The following CEP170 variants were observed in gnomAD, a reference collection of about 807,000 sequenced individuals.
CEP170 encodes centrosomal protein of 170 kDa.
CEP170 carries 21 observed loss-of-function variants against 151.9 expected under a neutral mutation model. The observed-to-expected ratio is 0.14, with a 90% CI of 0.10 to 0.20. The LOEUF is 0.20. CEP170 is among the 10% of genes least tolerant of loss of function. CEP170 has a pLI of 1.00. For missense variants in CEP170, 964 were observed against 1,892.9 expected (o/e 0.51, Z 9.11); for synonymous variants, 356 against 648.8 (o/e 0.55, Z 6.86).
At chr1:243,160,133 T>A (rs1156780093) in intron 13 of CEP170, among the ~76,000 whole-genome samples, 1 of 152,204 alleles carries the variant, frequency 6.6e-6, no homozygotes, top group South Asian at 2.1e-4. Flanking sequence ...GTAATGATAG[T>A]TTTTCTGATA....
intron 4 of CEP170, among the ~76,000 whole-genome samples, chr1:243,207,899 A>G (rs938501248): frequency 5.3e-5 from 8 of 151,858 alleles, no homozygotes; most frequent in African/African-American, 1.9e-4. Context: ...CTCAGCTCCT[A>G]CCTAGAAAAA....
At chr1:243,233,547 C>G (rs2063956185) in intron 1 of CEP170, among the ~76,000 whole-genome samples, 2 of 151,816 alleles carry the variant, frequency 1.3e-5, no homozygotes, top group African/African-American at 2.4e-5. Flanking sequence ...TCCTGGCTAA[C>G]ATGGTGAAAC....
At chr1:243,240,156 C>T (rs769111017) in intron 1 of CEP170, among the ~76,000 whole-genome samples, 1 of 152,066 alleles carries the variant, frequency 6.6e-6, no homozygotes, top group Non-Finnish European at 1.5e-5. Flanking sequence ...ACTACAAATA[C>T]GAAATTAACT....
At chr1:243,157,843 G>A (rs1452531915) in intron 13 of CEP170, among the ~76,000 whole-genome samples, 1 of 152,094 alleles carries the variant, frequency 6.6e-6, no homozygotes, top group Non-Finnish European at 1.5e-5. Flanking sequence ...CTATCGATTC[G>A]TCCTTATTCA....
At chr1:243,201,569 G>A (rs1183511895) in intron 4 of CEP170, among the ~76,000 whole-genome samples, 1 of 152,230 alleles carries the variant, frequency 6.6e-6, no homozygotes, top group East Asian at 1.9e-4. Flanking sequence ...TTATAACCAT[G>A]TACTAAATTC....
chr1:243,210,641 A>T (rs2061725878), intron 4 of CEP170, among the ~76,000 whole-genome samples: 1 of 84,598 alleles, frequency 1.2e-5, no homozygotes. Flanking sequence ...TTTGAGATGG[A>T]GTCTCTCTCT....
chr1:243,193,758 T>G (rs2060463971), intron 7 of CEP170, among the ~76,000 whole-genome samples: 2 of 151,982 alleles, frequency 1.3e-5, no homozygotes, highest in Admixed American at 6.6e-5. Context: ...CCTGGTTTCA[T>G]GCAAAGCCCA....
Position 243,165,828 on chromosome 1 carries a change from T to A in CEP170, c.2132A>T (p.Lys711Ile). 1 of 1,614,066 alleles carries A rather than the reference T, an allele frequency of 6.2e-7. No homozygotes were observed. The highest frequency in any genetic ancestry group is 8.5e-7 in the Non-Finnish European group (1 of 1,179,904). The change falls in exon 13 of 20, where the codon AAA becomes ATA. Residue 711 changes from lysine to isoleucine, a missense_variant. By Grantham distance (102) the Lys-to-Ile change is moderately radical. Transcript: ENST00000366542. ...TAGGGTTTTATTATCTCCACCAGTT[T>A]TGAGAGTCTCTCCATTTACTGCCCT... The part of the protein sequence containing the change: ...MNRAVNGETL[K>I]TGGDNKTLLH...
chr1:243,251,061 T>C lies in CEP170; in HGVS notation c.-42+3979A>G, dbSNP rs929141772. On this transcript the variant is annotated intron_variant, in intron 1 of 19. Transcript: ENST00000366542. ...GACAAGAGAAAATCTAGCTAATATATTGAGAAAAACCTTACTTCATCTTAC... is the reference window on the plus strand; with the variant it reads ...GACAAGAGAAAATCTAGCTAATATACTGAGAAAAACCTTACTTCATCTTAC... 1.3e-5 allele frequency among the ~76,000 whole-genome samples: 2 copies of C among 152,296 alleles called. 1 individual carries two copies. Among genetic ancestry groups the C allele is most frequent in the East Asian group, 3.9e-4 (2 of 5,186 alleles).
Position 243,164,599 on chromosome 1 carries a change from T to C in CEP170, c.3361A>G (p.Lys1121Glu). 4 of 1,613,764 alleles carry C rather than the reference T, an allele frequency of 2.5e-6. No individual in the cohort carries two copies. The highest frequency in any genetic ancestry group is 3.4e-6 in the Non-Finnish European group (4 of 1,179,728). ...GATACTTCAGAAGCAACAGATGCTT[T>C]GTCAGCATCAGCAAGTTCACTGTCT... Reference protein sequence around the residue: ...ASDSELADADKASVASEVSTT... With the variant: ...ASDSELADADEASVASEVSTT... Residue 1121 changes from lysine (K) to glutamate (E), a missense_variant, in exon 13 of 20, where the codon AAA becomes GAA. By Grantham distance (56) the Lys-to-Glu change is moderately conservative. Transcript: ENST00000366542.
chr1:243,149,302 T>G (rs1166356419), intron 14 of CEP170, among the ~76,000 whole-genome samples: 1 of 152,008 alleles, frequency 6.6e-6, no homozygotes, highest in African/African-American at 2.4e-5. Context: ...AATCGGCAGG[T>G]TAAAAGAAGA....
intron 8 of CEP170, among the ~76,000 whole-genome samples, chr1:243,186,911 T>C: frequency 6.6e-6 from 1 of 152,244 alleles, no homozygotes; most frequent in South Asian, 2.1e-4. Context: ...TAAGCTTCAC[T>C]GATGTTCAGT....
At chr1:243,231,099 GA>G (rs35952661) in intron 1 of CEP170, among the ~76,000 whole-genome samples, 48,033 of 147,306 alleles carry the variant, frequency 0.33, 8,058 homozygotes, top group South Asian at 0.53. Context: ...GAAAGGAGAA[GA>G]AAAAAAAAAA....
At position 243,254,155 on chromosome 1, in the gene CEP170, C is replaced by A. The variant is rs375584613; in HGVS notation, c.-42+885G>T. On this transcript the variant is annotated intron_variant, in intron 1 of 19. Transcript: ENST00000366542. ...CACCTTGGCAGTGCTTGGACTCCAG[C>A]AGGCATAGTCCCTGTCTTCCTTACA... 6.5e-4 allele frequency among the ~76,000 whole-genome samples: 98 copies of A among 151,850 alleles called. No individual in the cohort carries two copies. In the South Asian group the frequency reaches 0.01, roughly 16 times the overall value.
intron 1 of CEP170, among the ~76,000 whole-genome samples, chr1:243,234,212 C>T (rs1017219079): frequency 2.6e-5 from 4 of 152,150 alleles, no homozygotes; most frequent in Non-Finnish European, 4.4e-5. Flanking sequence ...AATAGCTGGC[C>T]TCACATTAGG....
At chr1:243,241,498 A>G (rs1451916970) in intron 1 of CEP170, among the ~76,000 whole-genome samples, 2 of 152,280 alleles carry the variant, frequency 1.3e-5, no homozygotes, top group South Asian at 4.2e-4. Context: ...AACTATATCA[A>G]GAAAATGTAG....
At chr1:243,130,727 C>T (rs1233898427) in intron 17 of CEP170, among the ~76,000 whole-genome samples, 1 of 151,072 alleles carries the variant, frequency 6.6e-6, no homozygotes, top group Non-Finnish European at 1.5e-5. Flanking sequence ...ATCAACATGC[C>T]AGACTTACCT....
intron 10 of CEP170, among the ~76,000 whole-genome samples, chr1:243,181,633 G>C (rs114157132): frequency 6.6e-6 from 1 of 151,842 alleles, no homozygotes; most frequent in Non-Finnish European, 1.5e-5. Flanking sequence ...GCAAATACAC[G>C]GTTTGCTCAT....
chr1:243,192,427 G>T (rs535627801), intron 7 of CEP170, among the ~76,000 whole-genome samples: 1 of 152,140 alleles, frequency 6.6e-6, no homozygotes, highest in African/African-American at 2.4e-5. Flanking sequence ...CAACTAAAAC[G>T]TTTTCGGTAC....
Sources: gnomAD v4.1 joint callset for allele counts (sites outside exome capture counted in the v4.1 genomes callset) on GRCh38, gnomAD v4.1.1 for gene constraint, MANE v1.5 for transcripts, NCBI Gene and HGNC (gene_info 2026-07-23, HGNC 2026-07-21) for gene names.